The following ACSM6 variants were observed in gnomAD, a reference collection of about 807,000 sequenced individuals.
ACSM6 encodes acyl-coenzyme A synthetase ACSM6, mitochondrial.
ACSM6 carries 35 observed loss-of-function variants against 51.1 expected under a neutral mutation model. The observed-to-expected ratio is 0.69, with a 90% CI of 0.52 to 0.91. The LOEUF is 0.91. ACSM6 is among the 40% of genes least tolerant of loss of function. The pLI is 0.00. For missense variants in ACSM6, 509 were observed against 584.1 expected, an observed-to-expected ratio of 0.87 and a Z score of 1.32; for synonymous variants, 172 against 207.3, an observed-to-expected ratio of 0.83 and a Z score of 1.46.
intron 2 of ACSM6, among the ~76,000 whole-genome samples, chr10:95,199,452 A>G (rs1419187072): frequency 6.6e-6 from 1 of 152,182 alleles, no homozygotes; most frequent in Non-Finnish European, 1.5e-5. Context: ...CAAGGACTTC[A>G]TGTCTAAAAC....
At chr10:95,197,199 G>T (rs2034736835) in intron 2 of ACSM6, among the ~76,000 whole-genome samples, 2 of 152,144 alleles carry the variant, frequency 1.3e-5, no homozygotes, top group Admixed American at 6.5e-5. Flanking sequence ...TATCATGAAG[G>T]GGTGGCCTGC....
At chr10:95,217,858 C>T (rs1395824135) in intron 8 of ACSM6, among the ~76,000 whole-genome samples, 1 of 152,220 alleles carries the variant, frequency 6.6e-6, no homozygotes, top group African/African-American at 2.4e-5. Context: ...AACTTTGAGA[C>T]CTCATAGTCA....
At chr10:95,197,162 T>G (rs891143727) in intron 2 of ACSM6, among the ~76,000 whole-genome samples, 3 of 152,202 alleles carry the variant, frequency 2.0e-5, no homozygotes, top group Non-Finnish European at 2.9e-5. Flanking sequence ...GTTTTTCATT[T>G]GTACTAGTCT....
intron 4 of ACSM6, among the ~76,000 whole-genome samples, chr10:95,210,397 G>C (rs1208234342): frequency 3.3e-5 from 5 of 152,120 alleles, no homozygotes; most frequent in Non-Finnish European, 7.4e-5. Flanking sequence ...GCAATTGAAT[G>C]AATAAAGAGG....
chr10:95,201,736 C>A, intron 2 of ACSM6: 1 of 561,080 alleles, frequency 1.8e-6, no homozygotes, highest in Non-Finnish European at 3.2e-6. Context: ...TTTCACGTTA[C>A]ATGCTGAGTT....
At chr10:95,207,039 G>C (rs117128705) in intron 3 of ACSM6, among the ~76,000 whole-genome samples, 169 bp from the exon 4 acceptor site, 179 of 152,264 alleles carry the variant, frequency 1.2e-3, no homozygotes, top group Non-Finnish European at 1.8e-3. Flanking sequence ...TCAGTCTCCT[G>C]CCTGTCTCAG....
At chr10:95,215,483 C>T (rs2034935307) in intron 8 of ACSM6, among the ~76,000 whole-genome samples, 1 of 152,106 alleles carries the variant, frequency 6.6e-6, no homozygotes, top group African/African-American at 2.4e-5. Context: ...TAAAAGTGGA[C>T]AGTTAGATTG....
At chr10:95,199,724 TTA>T (rs1435529120) in intron 2 of ACSM6, among the ~76,000 whole-genome samples, 1 of 152,086 alleles carries the variant, frequency 6.6e-6, no homozygotes, top group African/African-American at 2.4e-5. Context: ...AAGAAGACAT[TTA>T]TGCAGCCAAC....
intron 3 of ACSM6, among the ~76,000 whole-genome samples, chr10:95,203,603 A>G (rs2034814672): frequency 6.6e-6 from 1 of 152,124 alleles, no homozygotes; most frequent in Non-Finnish European, 1.5e-5. Context: ...ATCCTCCAAC[A>G]TAAACAGGAA....
intron 2 of ACSM6, among the ~76,000 whole-genome samples, chr10:95,196,519 A>G (rs1257924400): frequency 1.3e-5 from 2 of 152,252 alleles, no homozygotes; most frequent in African/African-American, 4.8e-5. Flanking sequence ...ACATGAAAAA[A>G]TTTTAATATG....
exon 3 of ACSM6, chr10:95,202,095 C>T (rs1360736317): frequency 6.4e-7 from 1 of 1,552,090 alleles, no homozygotes; most frequent in Non-Finnish European, 8.7e-7. Flanking sequence ...CCGCCAGCAT[C>T]CTCTCAGACA....
intron 3 of ACSM6, among the ~76,000 whole-genome samples, chr10:95,204,823 G>T (rs1428792083): frequency 6.6e-6 from 1 of 151,422 alleles, no homozygotes; most frequent in Admixed American, 6.6e-5. Context: ...AAACAAAAAA[G>T]GAAAAAAAAG....
At chr10:95,201,474 A>G (rs988194276) in intron 2 of ACSM6, 7 of 455,530 alleles carry the variant, frequency 1.5e-5, no homozygotes, top group Non-Finnish European at 3.1e-5. Context: ...ATGTTGCTGC[A>G]AAAGACAGGA....
At chr10:95,204,420 G>A (rs2034823059) in intron 3 of ACSM6, among the ~76,000 whole-genome samples, 1 of 152,086 alleles carries the variant, frequency 6.6e-6, no homozygotes, top group Non-Finnish European at 1.5e-5. Flanking sequence ...CAGACGTGAT[G>A]GTGGGCACCT....
At chr10:95,225,878 C>T (rs2035031861) in intron 10 of ACSM6, 1 of 152,256 alleles carries the variant, frequency 6.6e-6, no homozygotes, top group African/African-American at 2.4e-5. Context: ...TTATCTATAA[C>T]TGTTCCACCA....
At chr10:95,203,974 C>A (rs1261286441) in intron 3 of ACSM6, among the ~76,000 whole-genome samples, 2 of 151,966 alleles carry the variant, frequency 1.3e-5, no homozygotes, top group Admixed American at 1.3e-4. Context: ...TGAACCCTAC[C>A]CTCAGGCCTA....
chr10:95,211,185 C>A (rs2034889741), intron 5 of ACSM6, among the ~76,000 whole-genome samples: 3 of 152,226 alleles, frequency 2.0e-5, no homozygotes, highest in Non-Finnish European at 2.9e-5. Flanking sequence ...GTTCTAGAGT[C>A]AGCCTCTAAG....
intron 3 of ACSM6, among the ~76,000 whole-genome samples, chr10:95,206,998 A>G (rs2034844148): frequency 6.6e-6 from 1 of 152,190 alleles, no homozygotes; most frequent in South Asian, 2.1e-4. Flanking sequence ...ACAGCAACAG[A>G]GCCACAGATC....
chr10:95,224,984 T>C (rs1451756348), intron 9 of ACSM6, among the ~76,000 whole-genome samples: 1 of 152,206 alleles, frequency 6.6e-6, no homozygotes, highest in African/African-American at 2.4e-5. Flanking sequence ...AGCTGTATAA[T>C]AGGTGCACTT....
Sources: gnomAD v4.1 joint callset for allele counts (sites outside exome capture counted in the v4.1 genomes callset) on GRCh38, gnomAD v4.1.1 for gene constraint, MANE v1.5 for transcripts, NCBI Gene and HGNC (gene_info 2026-07-23, HGNC 2026-07-21) for gene names.